ARHGEF37: variants seen among roughly 807,000 people sequenced by gnomAD.
ARHGEF37 encodes Rho guanine nucleotide exchange factor 37.
In ARHGEF37, 55 loss-of-function variants were observed where a neutral mutation model predicts 71.1. The ratio of observed to expected loss-of-function variants is 0.77; its 90% CI spans 0.62 to 0.97. The LOEUF (loss-of-function observed/expected upper bound fraction) is 0.97, where lower values mean the gene tolerates loss of function less well. Among genes scored for constraint, ARHGEF37 ranks in the 50% least tolerant of loss-of-function variants. The pLI is 0.00. For synonymous variants in ARHGEF37, 327 were observed against 350.6 expected (o/e 0.93, Z 0.75); for missense variants, 765 against 836.8 (o/e 0.91, Z 1.06).
rs1268843077 is a variant in ARHGEF37 at position 149,632,198 on chromosome 5, C to T, written c.*7C>T. The T allele has an allele frequency of 6.2e-7, 1 of 1,612,826 alleles. No homozygotes were observed. Among genetic ancestry groups the T allele is most frequent in the Non-Finnish European group, 8.5e-7 (1 of 1,179,146 alleles). On this transcript the variant is annotated 3_prime_UTR_variant, in exon 13 of 13. Coordinates refer to ENST00000333677, the MANE Select transcript of ARHGEF37 (RefSeq NM_001001669.3). ...CTGGAGTCTGCCCTCTTAGGGTACC[C>T]TCTTTGGAGCCTACATTGCCAAATG... is the stretch of plus-strand genomic sequence containing the variant.
intron 1 of ARHGEF37, among the ~76,000 whole-genome samples, chr5:149,559,523 A>G (rs1000434155): frequency 6.6e-6 from 1 of 152,184 alleles, no homozygotes; most frequent in African/African-American, 2.4e-5. Flanking sequence ...GTTGTTTCCA[A>G]ACTTTTGCTA....
chr5:149,597,292 C>G (rs1763576148), intron 1 of ARHGEF37, among the ~76,000 whole-genome samples: 1 of 152,036 alleles, frequency 6.6e-6, no homozygotes, highest in Non-Finnish European at 1.5e-5. Context: ...GAATCTTGCT[C>G]TGTTGCCCAG....
chr5:149,622,074 G>C lies in ARHGEF37; in HGVS notation c.1335+12G>C. On this transcript the variant is annotated intron_variant, in intron 9 of 12. Transcript: ENST00000333677. ...GAAGCATGGCCCAGGTAAGGCCTCT[G>C]AGACTTGGACACCTGTGGGGAGTAG... The C allele has an allele frequency of 6.3e-7, 1 of 1,592,450 alleles. No individual in the cohort carries two copies. The highest frequency in any genetic ancestry group is 8.6e-7 in the Non-Finnish European group (1 of 1,168,584).
intron 1 of ARHGEF37, among the ~76,000 whole-genome samples, chr5:149,586,420 G>A (rs556640433): frequency 6.6e-6 from 1 of 151,722 alleles, no homozygotes; most frequent in Admixed American, 6.6e-5. Flanking sequence ...CACCATGCCT[G>A]GCTAATTTTT....
At chr5:149,576,564 C>T (rs1406100639), upstream of ARHGEF37, among the ~76,000 whole-genome samples, 1 of 152,168 alleles carries the variant, frequency 6.6e-6, no homozygotes, top group South Asian at 2.1e-4. Context: ...ATGTGATAAA[C>T]GTTTAGCCAC....
intron 1 of ARHGEF37, among the ~76,000 whole-genome samples, chr5:149,585,935 C>G (rs1458198834): frequency 6.6e-6 from 1 of 152,186 alleles, no homozygotes; most frequent in Non-Finnish European, 1.5e-5. Context: ...CAGTCTAACT[C>G]CAGTTGCAAC....
chr5:149,616,576 T>C lies in ARHGEF37; in HGVS notation c.468T>C (p.Ala156=), dbSNP rs769447264. The change falls in exon 5 of 13, where the codon GCT becomes GCC. Residue 156 remains alanine (A), a synonymous_variant. Coordinates refer to ENST00000333677, the MANE Select transcript of ARHGEF37 (RefSeq NM_001001669.3). ...CAGCCTTCTCCCTCAGGCCGCAAGC[T>C]GGATCTTCAGGCCTCAGTTTCTTGC... ...QGIVEAVVPQ[A]GSSGLSFLLV... 17 of 1,607,698 alleles carry C rather than the reference T, an allele frequency of 1.1e-5. No homozygotes were observed. The Admixed American group carries it at 2.8e-4, about 27-fold the overall frequency.
intron 3 of ARHGEF37, among the ~76,000 whole-genome samples, chr5:149,609,094 G>C (rs1763997764): frequency 6.6e-6 from 1 of 152,096 alleles, no homozygotes; most frequent in Non-Finnish European, 1.5e-5. Context: ...CTGAGGCAGA[G>C]AATGGCATGA....
At chr5:149,593,656 G>A (rs1580899960) in intron 1 of ARHGEF37, among the ~76,000 whole-genome samples, 1 of 152,164 alleles carries the variant, frequency 6.6e-6, no homozygotes, top group South Asian at 2.1e-4. Context: ...CACATATTTT[G>A]TATGTTATAT....
At position 149,616,752 on chromosome 5, in the gene ARHGEF37, T is replaced by G; in HGVS notation, c.644T>G (p.Met215Arg). The change falls in exon 5 of 13, where the codon ATG becomes AGG. Residue 215 changes from methionine to arginine, a missense_variant. Physicochemically the swap from Met to Arg is moderately conservative, Grantham distance 91. Transcript: ENST00000333677. ...AACACCAATATCAATGAGTACAAGA[T>G]GCGCAAGGAAGTGGGTAAGGACTTG... ...DVNTNINEYK[M>R]RKEVASKYTK... is the part of the protein sequence containing the mutation. 1 of 1,604,552 alleles carries G rather than the reference T, an allele frequency of 6.2e-7. No individual in the cohort carries two copies. The highest frequency in any genetic ancestry group is 8.5e-7 in the Non-Finnish European group (1 of 1,172,214).
upstream of ARHGEF37, among the ~76,000 whole-genome samples, chr5:149,577,047 T>C (rs1256151929): frequency 6.6e-6 from 1 of 152,210 alleles, no homozygotes; most frequent in Non-Finnish European, 1.5e-5. Flanking sequence ...TACACGGTTA[T>C]AGAGATCTTT....
In ARHGEF37 at chr5:149,624,083, C is replaced by T. The variant is rs570309463; in HGVS notation, c.1407C>T (p.Asn469=). 4 of 1,612,340 alleles carry T rather than the reference C, an allele frequency of 2.5e-6. No individual in the cohort carries two copies. Among genetic ancestry groups the T allele is most frequent in the African/African-American group, 1.3e-5 (1 of 75,020 alleles). The change falls in exon 10 of 13, where the codon AAC becomes AAT. Residue 469 remains asparagine, a synonymous_variant. Coordinates refer to ENST00000333677, the MANE Select transcript of ARHGEF37 (RefSeq NM_001001669.3). ...LVEDALGRTS[N]QLRSFQETFE... ...AGGACGCACTGGGCCGGACGAGTAACCAGCTTCGCTCCTTTCAAGAGACCT... is the reference window on the plus strand; with the variant it reads ...AGGACGCACTGGGCCGGACGAGTAATCAGCTTCGCTCCTTTCAAGAGACCT...
intron 1 of ARHGEF37, among the ~76,000 whole-genome samples, chr5:149,570,741 T>TG (rs888874444): frequency 1.3e-5 from 2 of 150,896 alleles, no homozygotes; most frequent in African/African-American, 4.9e-5. Flanking sequence ...CTGGGCGTGG[T>TG]GGTGTGCACC....
intron 2 of ARHGEF37, among the ~76,000 whole-genome samples, chr5:149,599,244 G>C (rs970650928): frequency 1.3e-5 from 2 of 152,208 alleles, no homozygotes; most frequent in East Asian, 3.9e-4. Context: ...CCAGCAGGGA[G>C]GACATACGCC....
intron 1 of ARHGEF37, among the ~76,000 whole-genome samples, chr5:149,571,924 A>AAG (rs1762971186): frequency 6.7e-6 from 1 of 150,330 alleles, no homozygotes; most frequent in African/African-American, 2.5e-5. Flanking sequence ...AAAAAAAAAA[A>AAG]AAGAAGTTGA....
intron 6 of ARHGEF37, among the ~76,000 whole-genome samples, chr5:149,618,630 T>C (rs910338184): frequency 6.6e-6 from 1 of 152,224 alleles, no homozygotes; most frequent in Non-Finnish European, 1.5e-5. Context: ...AAACCAAGCA[T>C]GCTCACACAA....
chr5:149,607,523 G>A (rs762277601), intron 3 of ARHGEF37, among the ~76,000 whole-genome samples: 9 of 152,230 alleles, frequency 5.9e-5, no homozygotes, highest in Admixed American at 2.0e-4. Flanking sequence ...ATTGTCTCAC[G>A]CATCCATGTG....
At chr5:149,613,562 G>A (rs1416015921) in intron 4 of ARHGEF37, among the ~76,000 whole-genome samples, 3 of 152,004 alleles carry the variant, frequency 2.0e-5, no homozygotes, top group African/African-American at 4.8e-5. Flanking sequence ...GGCCAGGATC[G>A]TCTTGATTTC....
At chr5:149,625,024 G>A (rs1320689290) in intron 10 of ARHGEF37, among the ~76,000 whole-genome samples, 5 of 147,664 alleles carry the variant, frequency 3.4e-5, no homozygotes, top group African/African-American at 7.5e-5. Flanking sequence ...TCAGCCCCCC[G>A]AGTAGCTGGG....
Sources: allele counts gnomAD v4.1 joint callset (sites outside exome capture counted in the v4.1 genomes callset), GRCh38; gene constraint gnomAD v4.1.1; transcripts MANE v1.5; gene names NCBI Gene and HGNC (gene_info 2026-07-23, HGNC 2026-07-21).